Variants in RNF167 observed in about 807,000 individuals in gnomAD.
RNF167 encodes ring finger protein 167, also known as E3 ubiquitin-protein ligase RNF167.
In RNF167, 19 loss-of-function variants were observed where a neutral mutation model predicts 34.8. That is an observed-to-expected ratio of 0.55 (90% CI 0.38 to 0.80). The LOEUF (loss-of-function observed/expected upper bound fraction) is 0.80. Among genes scored for constraint, RNF167 ranks in the 30% least tolerant of loss-of-function variants. The pLI is 0.00. For missense variants in RNF167, 464 were observed against 447.0 expected (o/e 1.04, Z -0.34); for synonymous variants, 200 against 170.4 (o/e 1.17, Z -1.35).
chr17:4,943,743 C>G (rs1971081219), intron 8 of RNF167, among the ~76,000 whole-genome samples: 1 of 152,134 alleles, frequency 6.6e-6, no homozygotes, highest in Non-Finnish European at 1.5e-5. Flanking sequence ...CAGAAAAGTC[C>G]CAGCACTTTA....
At chr17:4,943,704 T>TCA (rs1971075599) in intron 8 of RNF167, among the ~76,000 whole-genome samples, 185 bp downstream of exon 8, 1 of 152,136 alleles carries the variant, frequency 6.6e-6, no homozygotes, top group Non-Finnish European at 1.5e-5. Context: ...GCCCAGGAGT[T>TCA]TGAGACCAGC....
At chr17:4,942,489 C>G in intron 4 of RNF167, 23 bp downstream of exon 4, 1 of 1,613,458 alleles carries the variant, frequency 6.2e-7, no homozygotes, top group Non-Finnish European at 8.5e-7. Flanking sequence ...GGAAGGGGAG[C>G]TGGGCAGCTG....
At position 4,943,299 on chromosome 17, in the gene RNF167, G is replaced by C. The variant is rs748203522; in HGVS notation, c.576+15G>C. 4.3e-6 allele frequency: 7 copies of C among 1,610,126 alleles called. No homozygotes were observed. The African/African-American group carries it at 6.7e-5, about 15-fold the overall frequency. On this transcript the variant is annotated intron_variant, in intron 7 of 9. Transcript: ENST00000262482. ...GAGCAGTAATGGTGAGTAGCTGAGG[G>C]AACATGATGGGAAGCACTGAGGCCT...
At chr17:4,942,774 A>T in intron 5 of RNF167, 77 bp from the exon 6 acceptor site, 1 of 1,583,732 alleles carries the variant, frequency 6.3e-7, no homozygotes, top group Middle Eastern at 1.7e-4. Context: ...GTGGGGCCAA[A>T]GTGCAAGATG....
intron 8 of RNF167, among the ~76,000 whole-genome samples, chr17:4,944,081 G>C (rs748700817): frequency 6.6e-5 from 10 of 152,186 alleles, no homozygotes; most frequent in Non-Finnish European, 1.2e-4. Context: ...TAAATACAAC[G>C]AAGACGGGAG....
At position 4,943,422 on chromosome 17, in the gene RNF167, C is replaced by T. The variant is rs756131073; in HGVS notation, c.577-4C>T. Reference sequence around the variant, plus strand: ...CCTTGTCCATCCACCCCCGCTTCCCCCAGATAGCTCGTTGTATCCAGCACC... The same window carrying T: ...CCTTGTCCATCCACCCCCGCTTCCCTCAGATAGCTCGTTGTATCCAGCACC... On this transcript the variant is annotated splice_polypyrimidine_tract_variant and splice_region_variant and intron_variant, in intron 7 of 9. Transcript: ENST00000262482. 2 of 1,613,444 alleles carry T rather than the reference C, an allele frequency of 1.2e-6. No individual in the cohort carries two copies. The highest frequency in any genetic ancestry group is 1.7e-6 in the Non-Finnish European group (2 of 1,179,708).
In RNF167 at chr17:4,942,548, G is replaced by C. The variant is rs1430307880; in HGVS notation, c.292-29G>C. On this transcript the variant is annotated intron_variant, in intron 4 of 9. Coordinates refer to ENST00000262482, the MANE Select transcript of RNF167 (RefSeq NM_015528.3). ...ATGAAGACAGGTAAGGCCCATGATG[G>C]CTCCTTGTCCTCTGCCTTGTCTCCC... The C allele has an allele frequency of 1.9e-6, 3 of 1,613,596 alleles. No individual in the cohort carries two copies. The African/African-American group carries it at 4.0e-5, about 22-fold the overall frequency.
intron 8 of RNF167, 53 bp downstream of exon 8, chr17:4,943,572 A>C: frequency 2.1e-6 from 3 of 1,428,580 alleles, no homozygotes; most frequent in Non-Finnish European, 2.9e-6. Flanking sequence ...CTGGTTCTGA[A>C]GGACTTTGAG....
In RNF167 at chr17:4,940,993, G is replaced by C; in HGVS notation, c.84G>C (p.Ala28=). 1 of 1,612,580 alleles carries C rather than the reference G, an allele frequency of 6.2e-7. No individual in the cohort carries two copies. Among genetic ancestry groups the C allele is most frequent in the Non-Finnish European group, 8.5e-7 (1 of 1,178,868 alleles). Reference sequence around the variant, plus strand: ...CCCCGACCCGGGGGCTCATTCGAGCGGTGAGTCTGAGGGACGGATGGGGAA... The same window carrying C: ...CCCCGACCCGGGGGCTCATTCGAGCCGTGAGTCTGAGGGACGGATGGGGAA... ...GAAPTRGLIR[A]TSDHNASMDF... Residue 28 remains alanine, a splice_region_variant and synonymous_variant, in exon 2 of 10, where the codon GCG becomes GCC. Coordinates refer to ENST00000262482, the MANE Select transcript of RNF167 (RefSeq NM_015528.3).
chr17:4,943,228 C>G lies in RNF167; in HGVS notation c.520C>G (p.Leu174Val), dbSNP rs759327132. 6.2e-7 allele frequency: 1 copy of G among 1,614,164 alleles called. No homozygotes were observed. Among genetic ancestry groups the G allele is most frequent in the East Asian group, 2.2e-5 (1 of 44,878 alleles). Residue 174 changes from leucine (L) to valine (V), a missense_variant, in exon 7 of 10, where the codon CTC (leucine) becomes GTC (valine). Physicochemically the swap from Leu to Val is conservative, Grantham distance 32. Transcript: ENST00000262482. Reference sequence around the variant, plus strand: ...CAATACCTTCCCCTTGGGCTATTACCTCATCCCTTTCACAGGGATTGTGGG... The same window carrying G: ...CAATACCTTCCCCTTGGGCTATTACGTCATCCCTTTCACAGGGATTGTGGG... The part of the protein sequence containing the change: ...PDNTFPLGYY[L>V]IPFTGIVGLL...
chr17:4,943,504 C>A lies in RNF167; in HGVS notation c.655C>A (p.His219Asn). Residue 219 changes from histidine to asparagine, a missense_variant, in exon 8 of 10, where the codon CAT becomes AAT. His to Asn is a moderately conservative substitution (Grantham distance 68, BLOSUM62 1). Transcript: ENST00000262482. ...TKEQLKQIPTHDYQKGDQYDV... is the reference protein window; with the variant it reads ...TKEQLKQIPTNDYQKGDQYDV... ...AGAGCAACTGAAACAGATTCCTACACATGACTATCAGAAGGGTGAGGGGGT... is the reference window on the plus strand; with the variant it reads ...AGAGCAACTGAAACAGATTCCTACAAATGACTATCAGAAGGGTGAGGGGGT... 6.2e-7 allele frequency: 1 copy of A among 1,613,308 alleles called. No homozygotes were observed. Among genetic ancestry groups the A allele is most frequent in the South Asian group, 1.1e-5 (1 of 90,954 alleles).
At chr17:4,943,087 C>T in intron 6 of RNF167, 92 bp from the exon 7 acceptor site, 1 of 1,325,006 alleles carries the variant, frequency 7.5e-7, no homozygotes, top group African/African-American at 1.4e-5. Context: ...CTGTCCCCAC[C>T]TATGGGCTTT....
rs1971221844 is a variant in RNF167 at position 4,944,733 on chromosome 17, T to C, written c.770T>C (p.Val257Ala). The change falls in exon 10 of 10, where the codon GTG becomes GCG. Residue 257 changes from valine (V) to alanine (A), a missense_variant. Transcript: ENST00000262482. ...TCTGCAGCCTACCACAGCCGCTGCGTGGACCCCTGGCTCACTCAGACCCGG... is the reference window on the plus strand; with the variant it reads ...TCTGCAGCCTACCACAGCCGCTGCGCGGACCCCTGGCTCACTCAGACCCGG... Reference protein sequence around the residue: ...PCAHAYHSRCVDPWLTQTRKT... With the variant: ...PCAHAYHSRCADPWLTQTRKT... 6.2e-7 allele frequency: 1 copy of C among 1,613,886 alleles called. No homozygotes were observed. The highest frequency in any genetic ancestry group is 1.3e-5 in the African/African-American group (1 of 74,898).
chr17:4,942,113 A>G (rs1295164801), intron 3 of RNF167, among the ~76,000 whole-genome samples: 1 of 152,176 alleles, frequency 6.6e-6, no homozygotes, highest in Non-Finnish European at 1.5e-5. Flanking sequence ...CCCATCTGGG[A>G]CAGCGAGAGG....
intron 9 of RNF167, 23 bp from the exon 10 acceptor site, chr17:4,944,692 C>T (rs778236044): frequency 2.5e-6 from 4 of 1,614,168 alleles, no homozygotes; most frequent in Non-Finnish European, 3.4e-6. Flanking sequence ...CCACCAGGTG[C>T]TTCACCTTGT....
At chr17:4,943,775 C>T (rs1290435858) in intron 8 of RNF167, among the ~76,000 whole-genome samples, 12 of 152,106 alleles carry the variant, frequency 7.9e-5, no homozygotes, top group Non-Finnish European at 1.6e-4. Flanking sequence ...CAAGTGGATC[C>T]CTTGACCCCG....
At chr17:4,943,685 G>A (rs1187504605) in intron 8 of RNF167, among the ~76,000 whole-genome samples, 166 bp downstream of exon 8, 1 of 152,114 alleles carries the variant, frequency 6.6e-6, no homozygotes, top group African/African-American at 2.4e-5. Context: ...AGGTGGGCAG[G>A]TCACTTGAGC....
chr17:4,943,188 G>A lies in RNF167; in HGVS notation c.480G>A (p.Val160=), dbSNP rs1449099257. ...GTCATCCTTTTCCCAGGGCTCGGGTGCTTCTGGTTCCAGACAATACCTTCC... is the reference window on the plus strand; with the variant it reads ...GTCATCCTTTTCCCAGGGCTCGGGTACTTCTGGTTCCAGACAATACCTTCC... ...ALFVYEKGAR[V]LLVPDNTFPL... The change falls in exon 7 of 10, where the codon GTG becomes GTA. Residue 160 remains valine (V), a synonymous_variant. Transcript: ENST00000262482. 1.2e-6 allele frequency: 2 copies of A among 1,613,918 alleles called. No individual in the cohort carries two copies. Among genetic ancestry groups the A allele is most frequent in the Non-Finnish European group, 1.7e-6 (2 of 1,179,904 alleles).
At position 4,941,132 on chromosome 17, in the gene RNF167, C is replaced by T. The variant is rs761431506; in HGVS notation, c.140C>T (p.Ala47Val). 1.2e-6 allele frequency: 2 copies of T among 1,614,190 alleles called. No individual in the cohort carries two copies. Among genetic ancestry groups the T allele is most frequent in the East Asian group, 2.2e-5 (1 of 44,890 alleles). ...DFADLPALFG[A>V]TLSQEGLQGF... is the part of the protein sequence containing the mutation. ...GCAGACCTTCCAGCTCTGTTTGGGG[C>T]TACCTTGAGCCAGGAGGGCCTCCAG... is the stretch of plus-strand genomic sequence containing the variant. The change falls in exon 3 of 10, where the codon GCT (alanine) becomes GTT (valine). Residue 47 changes from alanine to valine, a missense_variant. Transcript: ENST00000262482.
Sources: gnomAD v4.1 joint callset for allele counts (sites outside exome capture counted in the v4.1 genomes callset) on GRCh38, gnomAD v4.1.1 for gene constraint, MANE v1.5 for transcripts, NCBI Gene and HGNC (gene_info 2026-07-23, HGNC 2026-07-21) for gene names.